The following DNAH11 variants were observed in gnomAD, a reference collection of about 807,000 sequenced individuals.
DNAH11 encodes dynein axonemal heavy chain 11, also known as axonemal beta dynein heavy chain 11.
DNAH11 carries 442 observed loss-of-function variants against 526.0 expected under a neutral mutation model. The ratio of observed to expected loss-of-function variants is 0.84; its 90% CI spans 0.78 to 0.91. The LOEUF is 0.91. Ranked by LOEUF, DNAH11 falls within the 40% of genes least tolerant of loss-of-function variation. DNAH11 has a pLI of 0.00. For synonymous variants in DNAH11, 2,461 were observed against 1,935.9 expected (o/e 1.27, Z -7.12); for missense variants, 6,989 against 5,448.7 (o/e 1.28, Z -8.90).
intron 65 of DNAH11, among the ~76,000 whole-genome samples, chr7:21,832,656 G>C (rs1781833028): frequency 6.6e-6 from 1 of 152,082 alleles, no homozygotes; most frequent in Admixed American, 6.6e-5. Flanking sequence ...TATATATAGT[G>C]GCTAATTGGA....
chr7:21,729,614 T>A (rs1225959535), intron 45 of DNAH11, among the ~76,000 whole-genome samples: 2 of 152,132 alleles, frequency 1.3e-5, no homozygotes, highest in Non-Finnish European at 2.9e-5. Context: ...CACTCACAGG[T>A]TCTATCTTAC....
chr7:21,737,977 C>T (rs1011998488), intron 46 of DNAH11, among the ~76,000 whole-genome samples: 1 of 151,638 alleles, frequency 6.6e-6, no homozygotes, highest in Non-Finnish European at 1.5e-5. Context: ...TTTGTTTGCT[C>T]ATTTAAAAAA....
Position 21,892,620 on chromosome 7 carries a change from A to G in DNAH11, c.12703A>G (p.Arg4235Gly). Residue 4235 changes from arginine (R) to glycine (G), a missense_variant, in exon 77 of 82, where the codon AGG (arginine) becomes GGG (glycine). Physicochemically the swap from Arg to Gly is moderately radical, Grantham distance 125. Transcript: ENST00000409508. ...CAGAACTTTGCTGGAGATGCAGCCCAGGAATGCACTCAGTGGTGATGAACT... is the reference window on the plus strand; with the variant it reads ...CAGAACTTTGCTGGAGATGCAGCCCGGGAATGCACTCAGTGGTGATGAACT... ...LFRTLLEMQP[R>G]NALSGDELGQ... 1 of 1,613,310 alleles carries G rather than the reference A, an allele frequency of 6.2e-7. No individual in the cohort carries two copies. The highest frequency in any genetic ancestry group is 8.5e-7 in the Non-Finnish European group (1 of 1,179,436).
chr7:21,557,998 AT>A (rs2128430405), intron 2 of DNAH11, among the ~76,000 whole-genome samples: 1 of 152,304 alleles, frequency 6.6e-6, no homozygotes, highest in Admixed American at 6.5e-5. Flanking sequence ...ATGAAAGTGA[AT>A]TTTCAGCTTT....
intron 30 of DNAH11, among the ~76,000 whole-genome samples, chr7:21,660,600 C>A (rs1233550444): frequency 2.0e-5 from 3 of 151,840 alleles, no homozygotes; most frequent in African/African-American, 7.2e-5. Flanking sequence ...ATTTAAACAA[C>A]ACCCATAAAT....
At chr7:21,751,439 A>G (rs577962121) in intron 54 of DNAH11, among the ~76,000 whole-genome samples, 2 of 152,274 alleles carry the variant, frequency 1.3e-5, no homozygotes, top group South Asian at 2.1e-4. Flanking sequence ...CAGATAATAG[A>G]TCAGTAAAGG....
intron 25 of DNAH11, among the ~76,000 whole-genome samples, chr7:21,631,495 C>A (rs1429928221): frequency 6.6e-6 from 1 of 152,220 alleles, no homozygotes; most frequent in Admixed American, 6.5e-5. Flanking sequence ...AAGTTAGTTA[C>A]TTCCTAGATA....
At chr7:21,875,109 A>G (rs1393656236) in intron 74 of DNAH11, among the ~76,000 whole-genome samples, 2 of 152,208 alleles carry the variant, frequency 1.3e-5, no homozygotes, top group Non-Finnish European at 2.9e-5. Context: ...TTTTTATCCT[A>G]TATATACACA....
chr7:21,698,205 T>C lies in DNAH11; in HGVS notation c.6172T>C (p.Ser2058Pro). The C allele has an allele frequency of 2.5e-6, 4 of 1,613,468 alleles. No homozygotes were observed. The highest frequency in any genetic ancestry group is 3.4e-6 in the Non-Finnish European group (4 of 1,179,630). Residue 2058 changes from serine (S) to proline (P), a missense_variant, in exon 36 of 82, where the codon TCC (serine) becomes CCC (proline). Ser to Pro is a moderately conservative substitution (Grantham distance 74). Coordinates refer to ENST00000409508, the MANE Select transcript of DNAH11 (RefSeq NM_001277115.2). ...TLYTLCKELL[S>P]KQDHYDWGLR... ...GTACACGCTTTGCAAGGAGCTTCTC[T>C]CCAAGCAGGTGAGGGATCATTTGTT...
intron 61 of DNAH11, among the ~76,000 whole-genome samples, chr7:21,789,812 C>T (rs60434679): frequency 0.027 from 2,075 of 75,506 alleles, 14 homozygotes; most frequent in African/African-American, 0.034. Context: ...TTTCTTTTTT[C>T]TTTCTTTCTT....
intron 65 of DNAH11, among the ~76,000 whole-genome samples, chr7:21,835,616 A>T (rs966099224): frequency 6.6e-6 from 1 of 152,198 alleles, no homozygotes; most frequent in Admixed American, 6.5e-5. Context: ...ACATACCTCA[A>T]AACAATAAAG....
chr7:21,645,240 A>T (rs1165799705), intron 28 of DNAH11, among the ~76,000 whole-genome samples: 1 of 152,192 alleles, frequency 6.6e-6, no homozygotes, highest in Non-Finnish European at 1.5e-5. Flanking sequence ...ATGTCACTTG[A>T]TGAAGGTTGT....
chr7:21,688,889 A>T (rs1257833367), intron 34 of DNAH11, among the ~76,000 whole-genome samples: 1 of 152,212 alleles, frequency 6.6e-6, no homozygotes, highest in African/African-American at 2.4e-5. Context: ...TTTTATCAAC[A>T]GGGCAATCTT....
chr7:21,614,554 T>A (rs1041347620), intron 20 of DNAH11, among the ~76,000 whole-genome samples: 3 of 152,214 alleles, frequency 2.0e-5, no homozygotes, highest in Non-Finnish European at 4.4e-5. Context: ...TGTAAACTAT[T>A]CTATGTAGAT....
intron 55 of DNAH11, among the ~76,000 whole-genome samples, chr7:21,772,226 C>T (rs555385074): frequency 6.6e-6 from 1 of 152,180 alleles, no homozygotes; most frequent in Non-Finnish European, 1.5e-5. Flanking sequence ...CTACCGGAAA[C>T]CACTTCTTCC....
chr7:21,866,560 C>T lies in DNAH11; in HGVS notation c.11587C>T (p.Pro3863Ser), dbSNP rs1429535051. The change falls in exon 71 of 82, where the codon CCA becomes TCA. Residue 3863 changes from proline to serine, a missense_variant. Transcript: ENST00000409508. Reference sequence around the variant, plus strand: ...GAGGAAGTGGGTAGAATCCGAGTGTCCAGAAAAAGAAAAATTACCTCAAGA... The same window carrying T: ...GAGGAAGTGGGTAGAATCCGAGTGTTCAGAAAAAGAAAAATTACCTCAAGA... ...QWRKWVESEC[P>S]EKEKLPQEWK... is the part of the protein sequence containing the mutation. 3 of 1,613,632 alleles carry T rather than the reference C, an allele frequency of 1.9e-6. No homozygotes were observed. Among genetic ancestry groups the T allele is most frequent in the Admixed American group, 1.7e-5 (1 of 59,970 alleles).
At chr7:21,650,950 A>G (rs1318646628) in intron 28 of DNAH11, among the ~76,000 whole-genome samples, 1 of 110,076 alleles carries the variant, frequency 9.1e-6, no homozygotes, top group Non-Finnish European at 1.8e-5. Flanking sequence ...CAAAACTGTT[A>G]TTTTAAAAAA....
chr7:21,730,490 G>A lies in DNAH11; in HGVS notation c.7440+4506G>A, dbSNP rs78874214. On this transcript the variant is annotated intron_variant, in intron 45 of 81. Coordinates refer to ENST00000409508, the MANE Select transcript of DNAH11 (RefSeq NM_001277115.2). ...TGTGGTCACAAACATTTCAGATAAG[G>A]GATATTCAACTTGTACCTTTCAGCC... Among the ~76,000 whole-genome samples the A allele has an allele frequency of 3.9e-3, 593 of 152,178 alleles. 4 individuals carry two copies. Among genetic ancestry groups the A allele is most frequent in the Middle Eastern group, 0.014 (4 of 294 alleles).
intron 2 of DNAH11, among the ~76,000 whole-genome samples, chr7:21,547,492 C>A (rs1782849076): frequency 6.6e-6 from 1 of 152,178 alleles, no homozygotes; most frequent in Admixed American, 6.5e-5. Flanking sequence ...TCTCCCAGTT[C>A]CTCAGTGGTT....
Sources: allele counts gnomAD v4.1 joint callset (sites outside exome capture counted in the v4.1 genomes callset), GRCh38; gene constraint gnomAD v4.1.1; transcripts MANE v1.5; gene names NCBI Gene and HGNC (gene_info 2026-07-23, HGNC 2026-07-21).